SAP130: variants seen among roughly 807,000 people sequenced by gnomAD.
SAP130 encodes the protein histone deacetylase complex subunit SAP130.
Under a neutral mutation model 103.2 loss-of-function variants are expected in SAP130, and 16 were observed. The observed-to-expected ratio is 0.16, with a 90% CI of 0.10 to 0.24. The LOEUF (loss-of-function observed/expected upper bound fraction) is 0.24. Among genes scored for constraint, SAP130 ranks in the 10% least tolerant of loss-of-function variants. The pLI, the probability that SAP130 is intolerant of heterozygous loss-of-function variation, is 1.00. For missense variants in SAP130, 990 were observed against 1,359.7 expected, an observed-to-expected ratio of 0.73 and a Z score of 4.28; for synonymous variants, 477 against 497.0, an observed-to-expected ratio of 0.96 and a Z score of 0.53.
intron 12 of SAP130, among the ~76,000 whole-genome samples, chr2:127,991,571 G>A (rs777228078): frequency 2.0e-5 from 3 of 151,988 alleles, no homozygotes; most frequent in Non-Finnish European, 4.4e-5. Context: ...GGTCTCAAGC[G>A]ACCTTCCTCC....
chr2:127,981,819 A>C (rs1012619776), intron 14 of SAP130, among the ~76,000 whole-genome samples: 12 of 97,712 alleles, frequency 1.2e-4, no homozygotes, highest in South Asian at 3.6e-4. Context: ...CAGCTCTCCC[A>C]CCCCGACCCA....
chr2:128,023,991 C>T (rs1382179528), intron 2 of SAP130, among the ~76,000 whole-genome samples: 1 of 150,296 alleles, frequency 6.7e-6, no homozygotes, highest in Non-Finnish European at 1.5e-5. Context: ...AGGAATTAGC[C>T]AAATAAGTAA....
At chr2:128,008,577 C>T (rs1489439756) in intron 7 of SAP130, among the ~76,000 whole-genome samples, 10 of 145,160 alleles carry the variant, frequency 6.9e-5, no homozygotes. Context: ...TGGTATGTTG[C>T]TGGGGCTGGT....
intron 1 of SAP130, chr2:128,027,165 T>TCGG: frequency 7.8e-7 from 1 of 1,280,792 alleles, no homozygotes; most frequent in East Asian, 3.1e-5. Context: ...AGGGCCCATC[T>TCGG]CGGCGGCGGC....
chr2:128,005,525 G>A (rs1294070690), intron 7 of SAP130, among the ~76,000 whole-genome samples: 2 of 151,916 alleles, frequency 1.3e-5, no homozygotes, highest in African/African-American at 2.4e-5. Flanking sequence ...TGAGGCAAGA[G>A]AATGGCTTGA....
At position 127,950,140 on chromosome 2, in the gene SAP130, A is replaced by T; in HGVS notation, c.2671+20T>A. On this transcript the variant is annotated intron_variant, in intron 17 of 20. Coordinates refer to ENST00000643581, the MANE Select transcript of SAP130 (RefSeq NM_001330301.2). ...CTTTATTGGGAAGCATCATAACACA[A>T]GTCAGCCTGTGACCATTACCAATAT... 6.2e-7 allele frequency: 1 copy of T among 1,613,902 alleles called. No homozygotes were observed. Among genetic ancestry groups the T allele is most frequent in the Non-Finnish European group, 8.5e-7 (1 of 1,179,778 alleles).
intron 7 of SAP130, among the ~76,000 whole-genome samples, chr2:128,007,330 G>A (rs1230021619): frequency 6.6e-6 from 1 of 152,206 alleles, no homozygotes; most frequent in Non-Finnish European, 1.5e-5. Context: ...CAAGTAACCT[G>A]GAGATGATTT....
At chr2:128,023,331 G>A (rs979420094) in intron 2 of SAP130, among the ~76,000 whole-genome samples, 1 of 152,042 alleles carries the variant, frequency 6.6e-6, no homozygotes, top group Non-Finnish European at 1.5e-5. Context: ...CTGTAGAAAC[G>A]GGGATTTGCC....
Position 127,990,938 on chromosome 2 carries a change from C to CAAA in SAP130, c.1478-1075_1478-1073dup, listed in dbSNP as rs36073149. The stretch of plus-strand genomic sequence containing the variant: ...CCTGAGTGACAGAGAAAGACTGTCT[C>CAAA]AAAAAAAAAAAAAAAAAAGTAAAAG... On this transcript the variant is annotated intron_variant, in intron 12 of 20. Coordinates refer to ENST00000643581, the MANE Select transcript of SAP130 (RefSeq NM_001330301.2). Among the ~76,000 whole-genome samples, 38 of 119,434 alleles carry CAAA rather than the reference C, an allele frequency of 3.2e-4. 1 individual carries two copies. In the South Asian group the frequency reaches 6.1e-3, roughly 19 times the overall value. The allele number at this position is 119,434 out of a possible 152,430, so 78.4% of individuals were successfully genotyped here. A position where few individuals can be genotyped will look rare whatever the true frequency, so the allele number is the denominator to read the frequency against.
chr2:128,027,996 C>T lies in SAP130; in HGVS notation c.-63G>A. Reference sequence around the variant, plus strand: ...CCTTGAGCTCGCTCCCGCGCGCTCTCCGTCTGTGGGGCCGACGTCCCCAGG... The same window carrying T: ...CCTTGAGCTCGCTCCCGCGCGCTCTTCGTCTGTGGGGCCGACGTCCCCAGG... On this transcript the variant is annotated 5_prime_UTR_variant, in exon 1 of 21. Coordinates refer to ENST00000643581, the MANE Select transcript of SAP130 (RefSeq NM_001330301.2). The T allele has an allele frequency of 1.0e-6, 1 of 985,766 alleles. No homozygotes were observed. The highest frequency in any genetic ancestry group is 1.2e-6 in the Non-Finnish European group (1 of 830,092). The allele number at this position is 985,766 out of a possible 1,614,324, so 61.1% of individuals were successfully genotyped here.
rs761830682 is a variant in SAP130, at chr2:128,017,767, G to A, written c.261C>T (p.Val87=). Residue 87 remains valine (V), a synonymous_variant, in exon 3 of 21, where the codon GTC becomes GTT. Coordinates refer to ENST00000643581, the MANE Select transcript of SAP130 (RefSeq NM_001330301.2). ...QVQMLSTHHA[V]ASATPVAVTA... ...TCACTGCAACAGGTGTGGCTGATGC[G>A]ACAGCATGGTGTGTCGACAACATCT... 1.1e-5 allele frequency: 18 copies of A among 1,614,068 alleles called. No homozygotes were observed. The highest frequency in any genetic ancestry group is 1.7e-5 in the Admixed American group (1 of 60,006).
At chr2:127,995,971 A>G (rs1683150778) in intron 11 of SAP130, among the ~76,000 whole-genome samples, 1 of 152,200 alleles carries the variant, frequency 6.6e-6, no homozygotes, top group Admixed American at 6.5e-5. Context: ...TGAGTGAAAG[A>G]GAAGGGAGAG....
At chr2:127,963,704 T>TGTGCTGTTCTC (rs915447093) in intron 15 of SAP130, among the ~76,000 whole-genome samples, 6 of 152,150 alleles carry the variant, frequency 3.9e-5, no homozygotes, top group African/African-American at 1.4e-4. Context: ...GGGTCTTTCT[T>TGTGCTGTTCTC]GTGCTGTTCT....
chr2:128,019,803 C>T (rs1685028900), intron 2 of SAP130, among the ~76,000 whole-genome samples: 2 of 151,874 alleles, frequency 1.3e-5, no homozygotes, highest in African/African-American at 4.8e-5. Flanking sequence ...CAGAGAATTG[C>T]TTGAGCCCGG....
At chr2:127,943,370 G>A (rs1678843116) in intron 19 of SAP130, among the ~76,000 whole-genome samples, 1 of 152,208 alleles carries the variant, frequency 6.6e-6, no homozygotes, top group South Asian at 2.1e-4. Context: ...AAGATTAACA[G>A]CAGTTTATGA....
intron 13 of SAP130, among the ~76,000 whole-genome samples, chr2:127,988,429 TAAA>T (rs11380500): frequency 7.9e-6 from 1 of 126,288 alleles, no homozygotes; most frequent in Non-Finnish European, 1.6e-5. Flanking sequence ...CTTGTCTTTT[TAAA>T]AAAAAAAAAA....
In SAP130 at chr2:128,001,845, C is replaced by CA. The variant is rs372106229; in HGVS notation, c.870-1392dup. 3.1e-4 allele frequency among the ~76,000 whole-genome samples: 45 copies of CA among 145,112 alleles called. 1 individual carries two copies. The highest frequency in any genetic ancestry group is 9.4e-4 in the African/African-American group (37 of 39,484). ...TGAATGAGTGTAAAACCTCAGAAAGCAAAAAAAAACCAAAACAAAACTGTA... is the reference window on the plus strand; with the variant it reads ...TGAATGAGTGTAAAACCTCAGAAAGCAAAAAAAAAACCAAAACAAAACTGTA... On this transcript the variant is annotated intron_variant, in intron 7 of 20. Coordinates refer to ENST00000643581, the MANE Select transcript of SAP130 (RefSeq NM_001330301.2).
intron 7 of SAP130, among the ~76,000 whole-genome samples, chr2:128,004,687 A>G (rs961566000): frequency 6.6e-6 from 1 of 152,216 alleles, no homozygotes; most frequent in African/African-American, 2.4e-5. Flanking sequence ...CAAAGGATCT[A>G]GGGTTAAACC....
chr2:127,966,135 G>A (rs1471245953), intron 15 of SAP130, among the ~76,000 whole-genome samples: 1 of 151,954 alleles, frequency 6.6e-6, no homozygotes, highest in Non-Finnish European at 1.5e-5. Flanking sequence ...AAGGTCAGGA[G>A]TTCAAGACCA....
Sources: allele counts gnomAD v4.1 joint callset (sites outside exome capture counted in the v4.1 genomes callset), GRCh38; gene constraint gnomAD v4.1.1; transcripts MANE v1.5; gene names NCBI Gene and HGNC (gene_info 2026-07-23, HGNC 2026-07-21).